CHD8: variants seen among roughly 807,000 people sequenced by gnomAD.
The protein encoded by CHD8 is chromodomain helicase DNA binding protein 8.
A neutral mutation model predicts 279.2 loss-of-function variants in CHD8; 31 were observed. The ratio of observed to expected loss-of-function variants is 0.11; its 90% CI spans 0.08 to 0.15. The LOEUF (loss-of-function observed/expected upper bound fraction) is 0.15, where lower values mean the gene tolerates loss of function less well. CHD8 is among the 10% of genes least tolerant of loss of function. The pLI is 1.00. For missense variants in CHD8, 2,146 were observed against 3,230.5 expected, an observed-to-expected ratio of 0.66 and a Z score of 8.14; for synonymous variants, 1,081 against 1,139.6, an observed-to-expected ratio of 0.95 and a Z score of 1.04.
At chr14:21,448,206 T>C (rs757623915) in intron 1 of CHD8, among the ~76,000 whole-genome samples, 1 of 152,200 alleles carries the variant, frequency 6.6e-6, no homozygotes, top group African/African-American at 2.4e-5. Context: ...TAAAGCACTG[T>C]TATTATCAGA....
chr14:21,418,120 A>G (rs1233420809), intron 5 of CHD8, among the ~76,000 whole-genome samples: 1 of 152,138 alleles, frequency 6.6e-6, no homozygotes, highest in African/African-American at 2.4e-5. Flanking sequence ...ATGAACTATC[A>G]AAAACATTAT....
chr14:21,444,715 A>T (rs1327112501), intron 1 of CHD8, among the ~76,000 whole-genome samples: 1 of 152,096 alleles, frequency 6.6e-6, no homozygotes, highest in Non-Finnish European at 1.5e-5. Context: ...AAAAAAAAAA[A>T]TTTATTTGCT....
intron 1 of CHD8, among the ~76,000 whole-genome samples, chr14:21,450,410 G>C (rs1308615037): frequency 6.6e-6 from 1 of 152,126 alleles, no homozygotes; most frequent in Non-Finnish European, 1.5e-5. Context: ...CCCAAAGCAT[G>C]TAGTGGAAGA....
In CHD8 at chr14:21,405,063, AAGG is replaced by A; in HGVS notation, c.3307+143_3307+145del. On this transcript the variant is annotated intron_variant, in intron 16 of 37. Coordinates refer to ENST00000646647, the MANE Select transcript of CHD8 (RefSeq NM_001170629.2). The surrounding 1 kb of genome is among the most constrained non-coding windows in gnomAD (Gnocchi z 4.2). ...CCCAGGCTTAGAGTCTCTTTTTTAA[AAGG>A]AGAACCATTTCCCTCCCATTCCTCA... 1.4e-6 allele frequency: 1 copy of A among 720,300 alleles called. No homozygotes were observed. Among genetic ancestry groups the A allele is most frequent in the Non-Finnish European group, 2.2e-6 (1 of 445,428 alleles). The allele number at this position is 720,300 out of a possible 1,614,324, so 44.6% of individuals were successfully genotyped here. A position where few individuals can be genotyped will look rare whatever the true frequency, so the allele number is the denominator to read the frequency against.
At chr14:21,406,727 T>C in intron 14 of CHD8, 129 bp downstream of exon 14, 1 of 764,176 alleles carries the variant, frequency 1.3e-6, no homozygotes, top group South Asian at 2.1e-5. Flanking sequence ...ACCATTCCCA[T>C]AGGTCATCCC....
intron 2 of CHD8, chr14:21,430,283 A>G (rs761614000): frequency 6.5e-6 from 1 of 154,060 alleles, no homozygotes; most frequent in Admixed American, 6.3e-5. Flanking sequence ...TTGGCCCTTT[A>G]TTCAGATGCT....
intron 10 of CHD8, among the ~76,000 whole-genome samples, 189 bp from the exon 11 acceptor site, chr14:21,410,177 A>G (rs1444800364): frequency 1.3e-5 from 2 of 152,222 alleles, no homozygotes; most frequent in African/African-American, 4.8e-5. Context: ...TCATTCTTCA[A>G]AGCAATTTAT....
At chr14:21,391,750 C>T (rs1011691056) in intron 35 of CHD8, 83 bp downstream of exon 35, 21 of 1,513,100 alleles carry the variant, frequency 1.4e-5, no homozygotes, top group African/African-American at 2.7e-5. Context: ...ATTTTCCATT[C>T]CCCCAGTCCC....
chr14:21,409,759 A>G, intron 11 of CHD8, 92 bp downstream of exon 11: 1 of 1,215,278 alleles, frequency 8.2e-7, no homozygotes, highest in East Asian at 2.3e-5. Flanking sequence ...AAATTTCCAT[A>G]ATAAAAAGCT....
intron 4 of CHD8, chr14:21,427,147 CTTA>C (rs969959329): frequency 1.3e-5 from 2 of 153,216 alleles, no homozygotes; most frequent in Non-Finnish European, 2.9e-5. Flanking sequence ...AAAGAAAGGC[CTTA>C]TTATTTTCTA....
chr14:21,392,280 T>G (rs986711139), intron 34 of CHD8: 1 of 756,604 alleles, frequency 1.3e-6, no homozygotes, highest in African/African-American at 1.7e-5. Flanking sequence ...CTAAGCATAC[T>G]AATTTAAGAA....
Position 21,390,993 on chromosome 14 carries a change from A to C in CHD8, c.7136T>G (p.Leu2379Trp). The change falls in exon 37 of 38, where the codon TTG (leucine) becomes TGG (tryptophan). Residue 2379 changes from leucine to tryptophan, a missense_variant. Physicochemically the swap from Leu to Trp is moderately conservative, Grantham distance 61. Around this residue, in one of 26 missense-constraint regions of CHD8, gnomAD observed 336 missense variants for 392.9 expected, o/e 0.86. Transcript: ENST00000646647. ...KKNNKAELNCLGMEPVQTANS... is the reference protein window; with the variant it reads ...KKNNKAELNCWGMEPVQTANS... ...AGCTGTCTGTACTGGTTCCATTCCC[A>C]AACAGTTCAATTCTGCCTTATTATT... 1 of 1,606,606 alleles carries C rather than the reference A, an allele frequency of 6.2e-7. No individual in the cohort carries two copies. Among genetic ancestry groups the C allele is most frequent in the Non-Finnish European group, 8.5e-7 (1 of 1,176,304 alleles).
At position 21,402,374 on chromosome 14, in the gene CHD8, G is replaced by T; in HGVS notation, c.3844C>A (p.Leu1282Ile). 1 of 1,614,018 alleles carries T rather than the reference G, an allele frequency of 6.2e-7. No individual in the cohort carries two copies. Among genetic ancestry groups the T allele is most frequent in the Non-Finnish European group, 8.5e-7 (1 of 1,179,910 alleles). Residue 1282 changes from leucine to isoleucine, a missense_variant, in exon 19 of 38, where the codon CTT (leucine) becomes ATT (isoleucine). Leu to Ile is a conservative substitution (Grantham distance 5, BLOSUM62 2). Coordinates refer to ENST00000646647, the MANE Select transcript of CHD8 (RefSeq NM_001170629.2). This position sits in a 1 kb window ranked among gnomAD's most constrained non-coding sequence, Gnocchi z 4.5. ...CCATCCCGACCACTCATGGATTGAA[G>T]CACAGCCTTATCCAACCCCAACTTG... Reference protein sequence around the residue: ...SLKLGLDKAVLQSMSGRDGNI... With the variant: ...SLKLGLDKAVIQSMSGRDGNI...
At chr14:21,426,269 T>G (rs1889312760) in intron 4 of CHD8, 27 bp from the exon 5 acceptor site, 4 of 1,237,384 alleles carry the variant, frequency 3.2e-6, no homozygotes, top group Non-Finnish European at 3.5e-6. Context: ...AAATTCATTT[T>G]CAGTGAAAGC....
Position 21,405,556 on chromosome 14 carries a change from A to C in CHD8, c.3052-92T>G, listed in dbSNP as rs776340528. ...AAACATGGAAAAATTAGAGTTTTCC[A>C]CTATCTAAGAAATGTATACTTTGGA... is the stretch of plus-strand genomic sequence containing the variant. On this transcript the variant is annotated intron_variant, in intron 15 of 37. Transcript: ENST00000646647. This position sits in a 1 kb window ranked among gnomAD's most constrained non-coding sequence, Gnocchi z 4.2. The C allele has an allele frequency of 4.6e-5, 69 of 1,514,410 alleles. No homozygotes were observed. The highest frequency in any genetic ancestry group is 5.6e-5 in the Non-Finnish European group (63 of 1,122,122). The allele number at this position is 1,514,410 out of a possible 1,614,324, so 93.8% of individuals were successfully genotyped here. A position where few individuals can be genotyped will look rare whatever the true frequency, so the allele number is the denominator to read the frequency against.
chr14:21,390,836 C>G (rs1017177369), intron 37 of CHD8, 111 bp downstream of exon 37: 9 of 642,858 alleles, frequency 1.4e-5, no homozygotes, highest in Non-Finnish European at 2.4e-5. Context: ...ATTCTTCACA[C>G]AAACAAACAT....
chr14:21,393,095 C>T lies in CHD8; in HGVS notation c.6468+11G>A, dbSNP rs755474873. 1.9e-6 allele frequency: 3 copies of T among 1,612,774 alleles called. No individual in the cohort carries two copies. The highest frequency in any genetic ancestry group is 2.5e-6 in the Non-Finnish European group (3 of 1,179,622). On this transcript the variant is annotated intron_variant, in intron 33 of 37. Transcript: ENST00000646647. ...GGACTCTACATGTCCAGGGATGAGG[C>T]TGTTTGTTACCTTGGGCCACTCAGA...
Position 21,393,587 on chromosome 14 carries a change from C to T in CHD8, c.6208G>A (p.Asp2070Asn). Residue 2070 changes from aspartate (D) to asparagine (N), a missense_variant, in exon 32 of 38, where the codon GAC (aspartate) becomes AAC (asparagine). Asp to Asn is a conservative substitution (Grantham distance 23). Transcript: ENST00000646647. ...AGCTTGCTCAAGTCCAGCTCAGAGT[C>T]CGAATCATCCTCATCCTCCAGTTTG... ...PVKLEDEDDSDSELDLSKLSP... is the reference protein window; with the variant it reads ...PVKLEDEDDSNSELDLSKLSP... 6.2e-7 allele frequency: 1 copy of T among 1,613,556 alleles called. No individual in the cohort carries two copies. The highest frequency in any genetic ancestry group is 1.1e-5 in the South Asian group (1 of 90,930).
intron 8 of CHD8, 128 bp downstream of exon 8, chr14:21,414,810 C>A: frequency 1.4e-6 from 1 of 701,798 alleles, no homozygotes; most frequent in South Asian, 1.7e-5. Flanking sequence ...CCATTTTTCC[C>A]CATTAAAAAC....
Sources: gnomAD v4.1 joint callset for allele counts (sites outside exome capture counted in the v4.1 genomes callset) on GRCh38, gnomAD v4.1.1 for gene constraint, gnomAD v4.1.1 regional missense constraint, Gnocchi (gnomAD v3.1) non-coding constraint, MANE v1.5 for transcripts, NCBI Gene and HGNC (gene_info 2026-07-23, HGNC 2026-07-21) for gene names.